The following DYNC1H1 variants were observed in gnomAD, a reference collection of about 807,000 sequenced individuals.
The protein encoded by DYNC1H1 is dynein cytoplasmic 1 heavy chain 1, also known as cytoplasmic dynein 1 heavy chain 1.
In DYNC1H1, 51 loss-of-function variants were observed where a neutral mutation model predicts 527.1. That is an observed-to-expected ratio of 0.10 (90% confidence interval 0.08 to 0.12). The LOEUF is 0.12. Among genes scored for constraint, DYNC1H1 ranks in the 10% least tolerant of loss-of-function variants. DYNC1H1 has a pLI of 1.00. For synonymous variants in DYNC1H1, 2,189 were observed against 2,278.8 expected, an observed-to-expected ratio of 0.96 and a Z score of 1.12; for missense variants, 2,771 against 5,971.8, an observed-to-expected ratio of 0.46 and a Z score of 17.66.
At chr14:101,998,879 CTTTTTTTTTT>C (rs888317854) in intron 16 of DYNC1H1, among the ~76,000 whole-genome samples, 2 of 115,214 alleles carry the variant, frequency 1.7e-5, no homozygotes, top group African/African-American at 7.5e-5. Context: ...AAAACTTTTT[CTTTTTTTTTT>C]TTTTTTTTTT....
At position 102,028,249 on chromosome 14, in the gene DYNC1H1, T is replaced by C. The variant is rs4906173; in HGVS notation, c.9468+108T>C. On this transcript the variant is annotated intron_variant, in intron 48 of 77. Coordinates refer to ENST00000360184, the MANE Select transcript of DYNC1H1 (RefSeq NM_001376.5). The stretch of plus-strand genomic sequence containing the variant: ...CCTTAAGGCCAGGTGCAGTGACTCA[T>C]GCCTGTAATCCCAGCACTTTGGGAG... 0.23 allele frequency: 305,537 copies of C among 1,331,480 alleles called. 44,998 individuals are homozygous for C. The highest frequency in any genetic ancestry group is 0.72 in the African/African-American group (49,453 of 68,942). 82.5% of individuals were successfully genotyped at this position (1,331,480 alleles called of 1,614,324 possible). A position where few individuals can be genotyped will look rare whatever the true frequency, so the allele number is the denominator to read the frequency against.
At position 102,033,442 on chromosome 14, in the gene DYNC1H1, G is replaced by A; in HGVS notation, c.10371G>A (p.Glu3457=). Residue 3457 remains glutamate, a synonymous_variant, in exon 54 of 78, where the codon GAG becomes GAA. Coordinates refer to ENST00000360184, the MANE Select transcript of DYNC1H1 (RefSeq NM_001376.5). This position sits in a 1 kb window ranked among gnomAD's most constrained non-coding sequence, Gnocchi z 5.6. Reference sequence around the variant, plus strand: ...AGGAATACGCCGTCCTGATCTCAGAGGCCCAGGCCATCAAGGCAGACCTGG... The same window carrying A: ...AGGAATACGCCGTCCTGATCTCAGAAGCCCAGGCCATCAAGGCAGACCTGG... ...YKEEYAVLIS[E]AQAIKADLAA... is the part of the protein sequence containing the mutation. The A allele has an allele frequency of 6.2e-7, 1 of 1,614,176 alleles. No homozygotes were observed. Among genetic ancestry groups the A allele is most frequent in the Middle Eastern group, 1.6e-4 (1 of 6,062 alleles).
In DYNC1H1 at chr14:102,005,917, T is replaced by G; in HGVS notation, c.5463T>G (p.Val1821=). 1.2e-6 allele frequency: 2 copies of G among 1,614,256 alleles called. No individual in the cohort carries two copies. The highest frequency in any genetic ancestry group is 1.7e-6 in the Non-Finnish European group (2 of 1,180,054). ...CAGAGTTGGTTCACCAGAGAGATGT[T>G]ACAAGGTCCTTGATCAAAAGCAAGA... The part of the protein sequence containing the change: ...LITELVHQRD[V]TRSLIKSKID... Residue 1821 remains valine (V), a synonymous_variant, in exon 27 of 78, where the codon GTT becomes GTG. Transcript: ENST00000360184. This position sits in a 1 kb window ranked among gnomAD's most constrained non-coding sequence, Gnocchi z 4.0.
At position 102,040,600 on chromosome 14, in the gene DYNC1H1, A is replaced by G; in HGVS notation, c.11868A>G (p.Gln3956=). 4 of 1,614,154 alleles carry G rather than the reference A, an allele frequency of 2.5e-6. No homozygotes were observed. Among genetic ancestry groups the G allele is most frequent in the Non-Finnish European group, 1.7e-6 (2 of 1,180,026 alleles). ...DLIAKVQADE[Q]FGIWLDSSSP... Reference sequence around the variant, plus strand: ...TGCTTCCACTATTGTCTCCACAGCAATTTGGCATCTGGCTGGACAGCAGCT... The same window carrying G: ...TGCTTCCACTATTGTCTCCACAGCAGTTTGGCATCTGGCTGGACAGCAGCT... The change falls in exon 64 of 78, where the codon CAA becomes CAG. Residue 3956 remains glutamine, a splice_region_variant and synonymous_variant. Coordinates refer to ENST00000360184, the MANE Select transcript of DYNC1H1 (RefSeq NM_001376.5).
Position 102,039,552 on chromosome 14 carries a change from G to A in DYNC1H1, c.11595+6G>A. On this transcript the variant is annotated splice_donor_region_variant and intron_variant, in intron 61 of 77. Coordinates refer to ENST00000360184, the MANE Select transcript of DYNC1H1 (RefSeq NM_001376.5). The surrounding 1 kb of genome is among the most constrained non-coding windows in gnomAD (Gnocchi z 7.0). ...TAACAAAGGACCTCTTCCAGGTAGA[G>A]TGAGGTCCTCAGCCGCTCCCTGGCG... 1.2e-6 allele frequency: 2 copies of A among 1,614,252 alleles called. No homozygotes were observed. Among genetic ancestry groups the A allele is most frequent in the African/African-American group, 2.7e-5 (2 of 75,070 alleles).
chr14:102,027,893 G>A lies in DYNC1H1; in HGVS notation c.9264-44G>A, dbSNP rs1325444542. The A allele has an allele frequency of 6.2e-7, 1 of 1,614,168 alleles. No homozygotes were observed. The highest frequency in any genetic ancestry group is 1.1e-5 in the South Asian group (1 of 91,082). ...AGTCGGTGTCCTTCCAAGGGACAAA[G>A]CCTGCCCCTCATAGCTGTCCTGAAA... On this transcript the variant is annotated intron_variant, in intron 47 of 77. Coordinates refer to ENST00000360184, the MANE Select transcript of DYNC1H1 (RefSeq NM_001376.5). The surrounding 1 kb of genome is among the most constrained non-coding windows in gnomAD (Gnocchi z 7.7).
In DYNC1H1 at chr14:101,994,734, G is replaced by A. The variant is rs775900761; in HGVS notation, c.3218G>A (p.Gly1073Glu). ...GCTGAAAACATCTATAACAGACTTG[G>A]AGAAGATCTCAACAAATGGCAGGCT... ...MQAENIYNRL[G>E]EDLNKWQALL... The change falls in exon 13 of 78, where the codon GGA (glycine) becomes GAA (glutamate). Residue 1073 changes from glycine (G) to glutamate (E), a missense_variant. By Grantham distance (98) the Gly-to-Glu change is moderately conservative (BLOSUM62 -2). Around this residue, in one of 32 missense-constraint regions of DYNC1H1, gnomAD observed 179 missense variants for 349.4 expected, o/e 0.51. Transcript: ENST00000360184. 56 of 1,614,124 alleles carry A rather than the reference G, an allele frequency of 3.5e-5. No individual in the cohort carries two copies. Among genetic ancestry groups the A allele is most frequent in the Non-Finnish European group, 4.3e-5 (51 of 1,180,062 alleles).
Position 102,028,201 on chromosome 14 carries a change from A to C in DYNC1H1, c.9468+60A>C. ...AAAACTAACCATCATGCTAATATAA[A>C]ACTAAATTGCTATAAAAATAGACCT... On this transcript the variant is annotated intron_variant, in intron 48 of 77. Transcript: ENST00000360184. The C allele has an allele frequency of 2.5e-6, 4 of 1,592,912 alleles. No homozygotes were observed. In the South Asian group the frequency reaches 3.3e-5, roughly 13 times the overall value.
In DYNC1H1 at chr14:101,994,826, C is replaced by A; in HGVS notation, c.3310C>A (p.Pro1104Thr). Residue 1104 changes from proline (P) to threonine (T), a missense_variant, in exon 13 of 78, where the codon CCA (proline) becomes ACA (threonine). Physicochemically the swap from Pro to Thr is conservative, Grantham distance 38 (BLOSUM62 -1). This residue lies in a region of DYNC1H1 where 179 missense variants were observed against 349.4 expected (regional missense o/e 0.51). Transcript: ENST00000360184. Reference sequence around the variant, plus strand: ...TGCAGAAACCAAGAAAGAGTTTGGACCAGTAGTTATAGATTATGGCAAGGT... The same window carrying A: ...TGCAGAAACCAAGAAAGAGTTTGGAACAGTAGTTATAGATTATGGCAAGGT... ...DNAETKKEFG[P>T]VVIDYGKVQS... 6.2e-7 allele frequency: 1 copy of A among 1,614,112 alleles called. No homozygotes were observed. Among genetic ancestry groups the A allele is most frequent in the Non-Finnish European group, 8.5e-7 (1 of 1,180,022 alleles).
Position 102,038,598 on chromosome 14 carries a change from G to GA in DYNC1H1, c.11048dup (p.Asp3683GlufsTer24), listed in dbSNP as rs1329286544. Reference sequence around the variant, plus strand: ...GTTTGTCATCTTCCTGTCCACCCGGGATCCAACTGTAAGGAATGGGACCCT... The same window carrying GA: ...GTTTGTCATCTTCCTGTCCACCCGGGAATCCAACTGTAAGGAATGGGACCCT... On this transcript the variant is annotated frameshift_variant, in exon 58 of 78. Coordinates refer to ENST00000360184, the MANE Select transcript of DYNC1H1 (RefSeq NM_001376.5). LOFTEE classifies it high-confidence loss of function. The surrounding 1 kb of genome is among the most constrained non-coding windows in gnomAD (Gnocchi z 7.2). The GA allele has an allele frequency of 6.2e-7, 1 of 1,614,202 alleles. No individual in the cohort carries two copies. Among genetic ancestry groups the GA allele is most frequent in the Admixed American group, 1.7e-5 (1 of 60,020 alleles).
In DYNC1H1 at chr14:102,040,681, C is replaced by T. The variant is rs762997066; in HGVS notation, c.11941+8C>T. 1.2e-6 allele frequency: 2 copies of T among 1,614,198 alleles called. No individual in the cohort carries two copies. The highest frequency in any genetic ancestry group is 2.2e-5 in the South Asian group (2 of 91,082). On this transcript the variant is annotated splice_region_variant and intron_variant, in intron 64 of 77. Coordinates refer to ENST00000360184, the MANE Select transcript of DYNC1H1 (RefSeq NM_001376.5). ...GTGAAGAAACACCTGCAAGTAAGCCCCACTGTGGTTTTCTTTCTGGACCTG... is the reference window on the plus strand; with the variant it reads ...GTGAAGAAACACCTGCAAGTAAGCCTCACTGTGGTTTTCTTTCTGGACCTG...
chr14:102,018,726 C>A lies in DYNC1H1; in HGVS notation c.8343+110C>A. 2 of 1,427,246 alleles carry A rather than the reference C, an allele frequency of 1.4e-6. No individual in the cohort carries two copies. The highest frequency in any genetic ancestry group is 1.9e-6 in the Non-Finnish European group (2 of 1,045,778). The allele number at this position is 1,427,246 out of a possible 1,614,324, so 88.4% of individuals were successfully genotyped here. On this transcript the variant is annotated intron_variant, in intron 41 of 77. Coordinates refer to ENST00000360184, the MANE Select transcript of DYNC1H1 (RefSeq NM_001376.5). The surrounding 1 kb of genome is among the most constrained non-coding windows in gnomAD (Gnocchi z 5.2). ...CTGTAATCCCAGCATTTTGGGAGGCCAAGGTGGGTGGATCCTTTGAGCCCA... is the reference window on the plus strand; with the variant it reads ...CTGTAATCCCAGCATTTTGGGAGGCAAAGGTGGGTGGATCCTTTGAGCCCA...
rs2152597551 is a variant in DYNC1H1 at position 102,044,047 on chromosome 14, C to T, written c.12684+2C>T. 6.2e-7 allele frequency: 1 copy of T among 1,613,590 alleles called. No homozygotes were observed. Among genetic ancestry groups the T allele is most frequent in the Non-Finnish European group, 8.5e-7 (1 of 1,180,038 alleles). ...ACGTGGCTGGATGACACGGCCAAGGCAAGTGTGGGCCATGCCAGGACAGAC... is the reference window on the plus strand; with the variant it reads ...ACGTGGCTGGATGACACGGCCAAGGTAAGTGTGGGCCATGCCAGGACAGAC... On this transcript the variant is annotated splice_donor_variant, in intron 70 of 77. Coordinates refer to ENST00000360184, the MANE Select transcript of DYNC1H1 (RefSeq NM_001376.5). LOFTEE classifies it low-confidence loss of function (GC_TO_GT_DONOR). This position sits in a 1 kb window ranked among gnomAD's most constrained non-coding sequence, Gnocchi z 7.1.
In DYNC1H1 at chr14:102,042,915, C is replaced by T. The variant is rs535419482; in HGVS notation, c.12513+167C>T. Reference sequence around the variant, plus strand: ...AAAATTTCCTTCCATGGCCGGGCACCGTGGCTCACACTGGTAATCCTAGCA... The same window carrying T: ...AAAATTTCCTTCCATGGCCGGGCACTGTGGCTCACACTGGTAATCCTAGCA... On this transcript the variant is annotated intron_variant, in intron 69 of 77. Coordinates refer to ENST00000360184, the MANE Select transcript of DYNC1H1 (RefSeq NM_001376.5). The surrounding 1 kb of genome is among the most constrained non-coding windows in gnomAD (Gnocchi z 5.7). The T allele has an allele frequency of 2.5e-4, 196 of 773,816 alleles. No homozygotes were observed. Among genetic ancestry groups the T allele is most frequent in the African/African-American group, 2.1e-3 (121 of 58,484 alleles). 47.9% of individuals were successfully genotyped at this position (773,816 alleles called of 1,614,324 possible).
At chr14:102,031,983 T>C (rs1358454296) in intron 51 of DYNC1H1, among the ~76,000 whole-genome samples, 2 of 152,216 alleles carry the variant, frequency 1.3e-5, no homozygotes, top group African/African-American at 4.8e-5. Flanking sequence ...TCTTAATCTT[T>C]ATGGGGATAA....
At chr14:101,976,024 C>A (rs1032216207) in intron 2 of DYNC1H1, among the ~76,000 whole-genome samples, 1 of 151,484 alleles carries the variant, frequency 6.6e-6, no homozygotes, top group African/African-American at 2.4e-5. Context: ...TCTCCTGCCT[C>A]AGCCTTCCAG....
In DYNC1H1 at chr14:102,016,565, G is replaced by T; in HGVS notation, c.7614+76G>T. The T allele has an allele frequency of 6.2e-7, 1 of 1,612,020 alleles. No individual in the cohort carries two copies. The highest frequency in any genetic ancestry group is 1.3e-5 in the African/African-American group (1 of 75,002). On this transcript the variant is annotated intron_variant, in intron 37 of 77. Transcript: ENST00000360184. The surrounding 1 kb of genome is among the most constrained non-coding windows in gnomAD (Gnocchi z 7.3). ...ACTCATCCTGGAACAAGCTGACCAT[G>T]GACCTTGGCTTCGTCTTTTCATTTT...
At chr14:101,989,360 G>A (rs1317028660) in intron 10 of DYNC1H1, among the ~76,000 whole-genome samples, 2 of 152,160 alleles carry the variant, frequency 1.3e-5, no homozygotes, top group South Asian at 2.1e-4. Context: ...TCACATCCCC[G>A]GGAAGAAGGT....
chr14:102,048,096 T>C lies in DYNC1H1; in HGVS notation c.13218+68T>C, dbSNP rs897429125. ...GGTGCTGGGTATGGTCATGGACCAT[T>C]GTTCCATGGACCATTGGTTCCACTG... On this transcript the variant is annotated intron_variant, in intron 73 of 77. Transcript: ENST00000360184. The C allele has an allele frequency of 2.0e-5, 30 of 1,523,406 alleles. No homozygotes were observed. In the African/African-American group the frequency reaches 3.4e-4, roughly 17 times the overall value. 94.4% of individuals were successfully genotyped at this position (1,523,406 alleles called of 1,614,324 possible). A position where few individuals can be genotyped will look rare whatever the true frequency, so the allele number is the denominator to read the frequency against.
Sources: allele counts gnomAD v4.1 joint callset (sites outside exome capture counted in the v4.1 genomes callset), GRCh38; gene constraint gnomAD v4.1.1; regional missense constraint gnomAD v4.1.1; non-coding constraint Gnocchi (gnomAD v3.1); transcripts MANE v1.5; gene names NCBI Gene and HGNC (gene_info 2026-07-23, HGNC 2026-07-21).